Variants in UTRN observed in about 807,000 individuals in gnomAD.
UTRN encodes dystrophin-related protein 1.
A neutral mutation model predicts 463.9 loss-of-function variants in UTRN; 283 were observed. The ratio of observed to expected loss-of-function variants is 0.61; its 90% CI spans 0.55 to 0.67. The LOEUF (loss-of-function observed/expected upper bound fraction) is 0.67. UTRN is among the 30% of genes least tolerant of loss of function. The pLI is 0.00. For synonymous variants in UTRN, 1,442 were observed against 1,431.5 expected (o/e 1.01, Z -0.17); for missense variants, 3,922 against 4,084.3 (o/e 0.96, Z 1.08).
intron 1 of UTRN, among the ~76,000 whole-genome samples, chr6:144,288,432 C>T (rs150913512): frequency 6.6e-6 from 1 of 152,254 alleles, no homozygotes; most frequent in African/African-American, 2.4e-5. Context: ...TGAAGAAAAG[C>T]ATTAGACTTA....
intron 2 of UTRN, chr6:144,398,454 G>A (rs1782650706): frequency 5.4e-6 from 2 of 370,664 alleles, no homozygotes; most frequent in African/African-American, 2.2e-5. Context: ...ATGGAAGCAT[G>A]TGCTGGCATT....
chr6:144,473,690 A>G (rs766635384), intron 23 of UTRN, 30 bp from the exon 24 acceptor site: 2 of 1,588,566 alleles, frequency 1.3e-6, no homozygotes, highest in Middle Eastern at 3.3e-4. Context: ...TCACGAAGTA[A>G]TATCCCCCTC....
At chr6:144,722,169 A>G (rs575392401) in intron 53 of UTRN, among the ~76,000 whole-genome samples, 1 of 152,276 alleles carries the variant, frequency 6.6e-6, no homozygotes, top group East Asian at 1.9e-4. Context: ...AACAGAAGCA[A>G]TCACCCTCAT....
intron 43 of UTRN, 59 bp from the exon 44 acceptor site, chr6:144,537,523 A>C: frequency 7.7e-7 from 1 of 1,299,684 alleles, no homozygotes; most frequent in Non-Finnish European, 1.0e-6. Flanking sequence ...GCAAATATGT[A>C]AGGTTCTGCT....
At chr6:144,712,622 C>T (rs1295592332) in intron 53 of UTRN, among the ~76,000 whole-genome samples, 1 of 152,196 alleles carries the variant, frequency 6.6e-6, no homozygotes, top group Non-Finnish European at 1.5e-5. Flanking sequence ...GCCAAGCATG[C>T]ATGAGTTTGT....
At chr6:144,484,140 C>T (rs1792175975) in intron 27 of UTRN, among the ~76,000 whole-genome samples, 2 of 152,086 alleles carry the variant, frequency 1.3e-5, no homozygotes, top group South Asian at 4.2e-4. Context: ...TAAATGTTTC[C>T]ACCCACTACA....
At chr6:144,444,755 C>T (rs1787499232) in intron 14 of UTRN, among the ~76,000 whole-genome samples, 1 of 152,128 alleles carries the variant, frequency 6.6e-6, no homozygotes, top group African/African-American at 2.4e-5. Flanking sequence ...GTAATGAATC[C>T]ACTCAACACA....
At chr6:144,622,184 GTTTTTT>G (rs1199579909) in intron 51 of UTRN, among the ~76,000 whole-genome samples, 1 of 88,202 alleles carries the variant, frequency 1.1e-5, no homozygotes, top group East Asian at 4.3e-4. Flanking sequence ...TTTTTTTGTT[GTTTTTT>G]TTTTTTTTTT....
chr6:144,752,086 C>T, intron 56 of UTRN, 134 bp downstream of exon 56: 4 of 894,320 alleles, frequency 4.5e-6, no homozygotes, highest in Non-Finnish European at 6.1e-6. Flanking sequence ...CATGTGATGA[C>T]ATCAGGTATT....
At chr6:144,821,802 T>C (rs564170231) in intron 66 of UTRN, among the ~76,000 whole-genome samples, 1 of 152,252 alleles carries the variant, frequency 6.6e-6, no homozygotes, top group South Asian at 2.1e-4. Context: ...TTTGAATTGC[T>C]TTTTCATATG....
intron 34 of UTRN, among the ~76,000 whole-genome samples, chr6:144,503,919 A>C (rs1047908628): frequency 1.3e-5 from 2 of 151,974 alleles, no homozygotes; most frequent in African/African-American, 2.4e-5. Flanking sequence ...CTCTTATTTC[A>C]TTGAGCAGTG....
intron 4 of UTRN, 96 bp from the exon 5 acceptor site, chr6:144,423,453 C>T (rs765895522): frequency 1.7e-5 from 22 of 1,275,294 alleles, no homozygotes; most frequent in African/African-American, 4.4e-5. Flanking sequence ...GGGCCCTGTA[C>T]GCTGAGCTTC....
At chr6:144,616,805 T>C (rs562256063) in intron 51 of UTRN, among the ~76,000 whole-genome samples, 1 of 152,272 alleles carries the variant, frequency 6.6e-6, no homozygotes, top group African/African-American at 2.4e-5. Context: ...TCCGCTCTTA[T>C]AAATTGTGAG....
chr6:144,499,195 C>G, intron 33 of UTRN, 62 bp from the exon 34 acceptor site: 1 of 1,514,546 alleles, frequency 6.6e-7, no homozygotes, highest in African/African-American at 1.4e-5. Flanking sequence ...CATTCTGATT[C>G]ATTCTCATTT....
intron 41 of UTRN, among the ~76,000 whole-genome samples, chr6:144,529,975 CTT>C (rs1796893207): frequency 6.6e-6 from 1 of 152,142 alleles, no homozygotes; most frequent in South Asian, 2.1e-4. Flanking sequence ...ACTTTGCCAT[CTT>C]TAAAAGAGTT....
In UTRN at chr6:144,289,666, G is replaced by A. The variant is rs556420331; in HGVS notation, c.-92-2071G>A. The stretch of plus-strand genomic sequence containing the variant: ...TTTTCCCACTTACTTTATTTTTTTT[G>A]AGATGGAATTTTGCCCTTGTCACCC... On this transcript the variant is annotated intron_variant, in intron 1 of 74. Transcript: ENST00000367545. Among the ~76,000 whole-genome samples, 29 of 150,708 alleles carry A rather than the reference G, an allele frequency of 1.9e-4. 2 individuals are homozygous for A. The South Asian group carries it at 5.3e-3, about 27-fold the overall frequency.
In UTRN at chr6:144,570,428, C is replaced by A. The variant is rs552920000; in HGVS notation, c.7290-6671C>A. Among the ~76,000 whole-genome samples the A allele has an allele frequency of 3.9e-5, 6 of 152,244 alleles. No individual in the cohort carries two copies. In the South Asian group the frequency reaches 1.2e-3, roughly 32 times the overall value. ...GTCAGATGATGGAAAACCTGTGTAT[C>A]AGGCAAAGTTTAGGGATGATGAAGA... On this transcript the variant is annotated intron_variant, in intron 50 of 74. Coordinates refer to ENST00000367545, the MANE Select transcript of UTRN (RefSeq NM_007124.3).
At chr6:144,591,468 G>C (rs1803066429) in intron 51 of UTRN, among the ~76,000 whole-genome samples, 2 of 152,084 alleles carry the variant, frequency 1.3e-5, no homozygotes, top group Admixed American at 1.3e-4. Flanking sequence ...GCTCTGAGAT[G>C]GCCCCTAAAA....
chr6:144,683,890 A>G (rs1383835097), intron 52 of UTRN, among the ~76,000 whole-genome samples: 4 of 152,118 alleles, frequency 2.6e-5, no homozygotes, highest in Non-Finnish European at 5.9e-5. Context: ...TGCCAGCCTC[A>G]TTGTGACTCA....
Sources: allele counts gnomAD v4.1 joint callset (sites outside exome capture counted in the v4.1 genomes callset), GRCh38; gene constraint gnomAD v4.1.1; transcripts MANE v1.5; gene names NCBI Gene and HGNC (gene_info 2026-07-23, HGNC 2026-07-21).